DDX50: variants seen among roughly 807,000 people sequenced by gnomAD.
DDX50 encodes DExD-box helicase 50, also known as ATP-dependent RNA helicase DDX50.
DDX50 carries 56 observed loss-of-function variants against 94.8 expected under a neutral mutation model. That is an observed-to-expected ratio of 0.59 (90% CI 0.48 to 0.74). The LOEUF (loss-of-function observed/expected upper bound fraction) is 0.74. DDX50 is among the 30% of genes least tolerant of loss of function. The pLI, the probability that DDX50 is intolerant of heterozygous loss-of-function variation, is 0.00. For synonymous variants in DDX50, 264 were observed against 295.4 expected, an observed-to-expected ratio of 0.89 and a Z score of 1.09; for missense variants, 713 against 881.2, an observed-to-expected ratio of 0.81 and a Z score of 2.42.
intron 8 of DDX50, among the ~76,000 whole-genome samples, chr10:68,920,351 T>G (rs1183335179): frequency 6.6e-6 from 1 of 152,082 alleles, no homozygotes; most frequent in African/African-American, 2.4e-5. Flanking sequence ...TTTGTAGAGA[T>G]AAGATTTCAC....
intron 8 of DDX50, among the ~76,000 whole-genome samples, chr10:68,933,107 C>G (rs538695720): frequency 4.6e-5 from 6 of 129,146 alleles, no homozygotes; most frequent in Non-Finnish European, 9.9e-5. Context: ...TCACTCTTGT[C>G]CCCCAGGCTG....
chr10:68,935,756 G>A (rs980841684), intron 10 of DDX50, among the ~76,000 whole-genome samples: 1 of 151,928 alleles, frequency 6.6e-6, no homozygotes, highest in Non-Finnish European at 1.5e-5. Context: ...AATTGCTTGA[G>A]CCCAGGAGGT....
intron 14 of DDX50, among the ~76,000 whole-genome samples, chr10:68,946,099 A>G (rs1842664652): frequency 6.6e-6 from 1 of 152,034 alleles, no homozygotes; most frequent in African/African-American, 2.4e-5. Context: ...TATTTATAGA[A>G]TGTATTTAAT....
intron 2 of DDX50, among the ~76,000 whole-genome samples, chr10:68,909,989 A>ATT (rs1283630251): frequency 6.6e-6 from 1 of 152,162 alleles, no homozygotes; most frequent in Non-Finnish European, 1.5e-5. Flanking sequence ...CCAGGAGTTT[A>ATT]AGATCTGCCT....
chr10:68,931,426 T>TATATATATACACACACAC (rs375773633), intron 8 of DDX50, among the ~76,000 whole-genome samples: 1 of 84,834 alleles, frequency 1.2e-5, no homozygotes, highest in African/African-American at 4.4e-5. Flanking sequence ...TATATATATA[T>TATATATATACACACACAC]ACACAAACAC....
chr10:68,933,566 A>G (rs1227920494), intron 8 of DDX50, among the ~76,000 whole-genome samples: 1 of 152,152 alleles, frequency 6.6e-6, no homozygotes, highest in East Asian at 1.9e-4. Flanking sequence ...AACCCTACCT[A>G]TGTAATATCC....
chr10:68,905,351 TAAAA>T (rs71031803), intron 1 of DDX50, among the ~76,000 whole-genome samples: 1 of 140,270 alleles, frequency 7.1e-6, no homozygotes, highest in East Asian at 2.0e-4. Context: ...ATTTAAAACG[TAAAA>T]AAAAAAAAAA....
In DDX50 at chr10:68,936,021, C is replaced by T. The variant is rs997537566; in HGVS notation, c.1537C>T (p.Arg513Cys). 5.6e-6 allele frequency: 9 copies of T among 1,606,072 alleles called. No homozygotes were observed. Among genetic ancestry groups the T allele is most frequent in the Non-Finnish European group, 7.7e-6 (9 of 1,176,270 alleles). Residue 513 changes from arginine (R) to cysteine (C), a missense_variant, in exon 11 of 15, where the codon CGT becomes TGT. Physicochemically the swap from Arg to Cys is radical, Grantham distance 180. This residue lies in a region of DDX50 where 428 missense variants were observed against 602.3 expected (regional missense o/e 0.71). Coordinates refer to ENST00000373585, the MANE Select transcript of DDX50 (RefSeq NM_024045.2). Reference sequence around the variant, plus strand: ...TCATTTTCAGGGAATTACTTTTAAACGTGTAGGTGTTCCTTCTACAATGGA... The same window carrying T: ...TCATTTTCAGGGAATTACTTTTAAATGTGTAGGTGTTCCTTCTACAATGGA... ...VEQKAGITFKRVGVPSTMDLV... is the reference protein window; with the variant it reads ...VEQKAGITFKCVGVPSTMDLV...
chr10:68,924,330 G>A (rs1434860131), intron 8 of DDX50, among the ~76,000 whole-genome samples: 1 of 151,908 alleles, frequency 6.6e-6, no homozygotes, highest in African/African-American at 2.4e-5. Context: ...GAGTGCCTTG[G>A]CTATTCACAG....
intron 8 of DDX50, among the ~76,000 whole-genome samples, chr10:68,931,686 A>C (rs546834085): frequency 6.6e-6 from 1 of 151,696 alleles, no homozygotes; most frequent in Non-Finnish European, 1.5e-5. Context: ...CGGCCTCCCA[A>C]AGTGCTAGGA....
intron 12 of DDX50, among the ~76,000 whole-genome samples, chr10:68,939,661 T>C (rs931579696): frequency 9.8e-5 from 15 of 152,302 alleles, no homozygotes; most frequent in African/African-American, 3.6e-4. Flanking sequence ...AATAACCATG[T>C]TGCTTCCTCC....
chr10:68,931,964 C>T (rs958951284), intron 8 of DDX50, among the ~76,000 whole-genome samples: 2 of 152,060 alleles, frequency 1.3e-5, no homozygotes, highest in African/African-American at 2.4e-5. Context: ...CTTCTTTTAC[C>T]TAGTAGTTCC....
At chr10:68,930,515 T>C (rs1186055436) in intron 8 of DDX50, among the ~76,000 whole-genome samples, 3 of 152,256 alleles carry the variant, frequency 2.0e-5, no homozygotes, top group Admixed American at 6.5e-5. Context: ...CCCTTGAGTA[T>C]GTCCTTCCAA....
chr10:68,927,511 T>A (rs1031686901), intron 8 of DDX50, among the ~76,000 whole-genome samples: 3 of 152,212 alleles, frequency 2.0e-5, no homozygotes, highest in African/African-American at 7.2e-5. Context: ...GGGAGTCAGA[T>A]TGGGGTTTAA....
intron 8 of DDX50, among the ~76,000 whole-genome samples, chr10:68,924,343 A>G (rs767633596): frequency 2.0e-5 from 3 of 151,876 alleles, no homozygotes; most frequent in Non-Finnish European, 4.4e-5. Context: ...ATTCACAGAC[A>G]CAATAATAGC....
rs11429851 is a variant in DDX50, at chr10:68,937,584, G to GTT, written c.1755+507_1755+508dup. 8.9e-3 allele frequency among the ~76,000 whole-genome samples: 1,078 copies of GTT among 120,756 alleles called. 18 individuals carry two copies. The highest frequency in any genetic ancestry group is 0.019 in the African/African-American group (593 of 31,462). 79.2% of individuals were successfully genotyped at this position (120,756 alleles called of 152,430 possible). A position where few individuals can be genotyped will look rare whatever the true frequency, so the allele number is the denominator to read the frequency against. On this transcript the variant is annotated intron_variant, in intron 12 of 14. Coordinates refer to ENST00000373585, the MANE Select transcript of DDX50 (RefSeq NM_024045.2). ...TCCTTCTTGCTTTATAACTTTATAAGTTTTTTTTTTTTTTTTTTTGAGATT... is the reference window on the plus strand; with the variant it reads ...TCCTTCTTGCTTTATAACTTTATAAGTTTTTTTTTTTTTTTTTTTTTGAGATT...
chr10:68,940,249 C>T (rs944309260), intron 12 of DDX50, among the ~76,000 whole-genome samples: 7 of 151,740 alleles, frequency 4.6e-5, no homozygotes, highest in African/African-American at 7.3e-5. Flanking sequence ...CATGGTGGCA[C>T]GCACCTGTAG....
chr10:68,934,931 A>T lies in DDX50; in HGVS notation c.1521+13A>T. 1 of 1,609,258 alleles carries T rather than the reference A, an allele frequency of 6.2e-7. No individual in the cohort carries two copies. Among genetic ancestry groups the T allele is most frequent in the Non-Finnish European group, 8.5e-7 (1 of 1,178,144 alleles). On this transcript the variant is annotated intron_variant, in intron 10 of 14. Coordinates refer to ENST00000373585, the MANE Select transcript of DDX50 (RefSeq NM_024045.2). This position sits in a 1 kb window ranked among gnomAD's most constrained non-coding sequence, Gnocchi z 4.0. ...GGAACAAAAAGCAGTAAGTAGAGTT[A>T]AATTATTTCAGGCTTATTGTCTAAA...
chr10:68,931,247 T>C (rs1392363660), intron 8 of DDX50, among the ~76,000 whole-genome samples: 1 of 151,580 alleles, frequency 6.6e-6, no homozygotes, highest in East Asian at 1.9e-4. Flanking sequence ...CAACATGTTG[T>C]AGGTCATTAT....
Sources: gnomAD v4.1 joint callset for allele counts (sites outside exome capture counted in the v4.1 genomes callset) on GRCh38, gnomAD v4.1.1 for gene constraint, gnomAD v4.1.1 regional missense constraint, Gnocchi (gnomAD v3.1) non-coding constraint, MANE v1.5 for transcripts, NCBI Gene and HGNC (gene_info 2026-07-23, HGNC 2026-07-21) for gene names.